The following RBMS3 variants were observed in gnomAD, a reference collection of about 807,000 sequenced individuals.
RBMS3 encodes the protein RNA-binding motif, single-stranded-interacting protein 3.
Under a neutral mutation model 66.8 loss-of-function variants are expected in RBMS3, and 27 were observed. The observed-to-expected ratio is 0.40, with a 90% CI of 0.30 to 0.56. The LOEUF is 0.56. Among genes scored for constraint, RBMS3 ranks in the 20% least tolerant of loss-of-function variants. RBMS3 has a pLI of 0.40. For synonymous variants in RBMS3, 188 were observed against 183.0 expected (o/e 1.03, Z -0.22); for missense variants, 513 against 549.5 (o/e 0.93, Z 0.66).
chr3:29,372,105 T>A (rs752116235), intron 1 of RBMS3, among the ~76,000 whole-genome samples: 16 of 152,050 alleles, frequency 1.1e-4, no homozygotes, highest in Non-Finnish European at 1.9e-4. Flanking sequence ...CTTCCAATGA[T>A]TGCCGTTAGA....
rs138765168 is a variant in RBMS3 at position 29,896,834 on chromosome 3, G to A, written c.792-545G>A. On this transcript the variant is annotated intron_variant, in intron 8 of 14. Transcript: ENST00000383767. ...ACATAGGTTCAGTGTCTCTGCCAGT[G>A]CCTTGACTTAATCCAGAAAACATTC... Among the ~76,000 whole-genome samples the A allele has an allele frequency of 1.1e-4, 17 of 151,688 alleles. No homozygotes were observed. In the East Asian group the frequency reaches 2.9e-3, roughly 26 times the overall value.
intron 1 of RBMS3, among the ~76,000 whole-genome samples, chr3:29,370,759 G>A (rs2038156079): frequency 1.3e-5 from 2 of 152,322 alleles, no homozygotes; most frequent in Admixed American, 6.5e-5. Flanking sequence ...CATTTGGCCA[G>A]AGGCATACAA....
chr3:30,002,707 T>C (rs1699667215), intron 14 of RBMS3, among the ~76,000 whole-genome samples: 1 of 151,996 alleles, frequency 6.6e-6, no homozygotes, highest in Non-Finnish European at 1.5e-5. Flanking sequence ...CTCACATGAT[T>C]TTAGGAAGAA....
intron 1 of RBMS3, among the ~76,000 whole-genome samples, chr3:29,339,828 A>C (rs1575575267): frequency 6.6e-6 from 1 of 152,158 alleles, no homozygotes; most frequent in Non-Finnish European, 1.5e-5. Context: ...AAAAGAGACG[A>C]ACTATTGCCT....
chr3:29,754,781 C>A (rs1254456814), intron 5 of RBMS3, among the ~76,000 whole-genome samples: 1 of 152,178 alleles, frequency 6.6e-6, no homozygotes, highest in Non-Finnish European at 1.5e-5. Context: ...TTTATCAAGA[C>A]TTTTCGTTAA....
At chr3:29,463,614 G>GAA (rs3041556) in intron 2 of RBMS3, among the ~76,000 whole-genome samples, 9 of 127,244 alleles carry the variant, frequency 7.1e-5, no homozygotes, top group African/African-American at 1.7e-4. Flanking sequence ...CTGGTTAGTT[G>GAA]AAAAAAAAAA....
intron 4 of RBMS3, among the ~76,000 whole-genome samples, chr3:29,593,685 G>T (rs569339102): frequency 1.7e-3 from 251 of 147,276 alleles, no homozygotes; most frequent in African/African-American, 6.5e-3. Flanking sequence ...CCCCCATGGG[G>T]ACAAGGGCTG....
At position 29,664,133 on chromosome 3, in the gene RBMS3, G is replaced by A. The variant is rs572032640; in HGVS notation, c.400-75587G>A. On this transcript the variant is annotated intron_variant, in intron 4 of 14. Coordinates refer to ENST00000383767, the MANE Select transcript of RBMS3 (RefSeq NM_001003793.3). ...GAAAGAGAATAACGTCTCTAATTTG[G>A]ATCCAGAAATCTGAGATTCTGGATT... 2.6e-4 allele frequency among the ~76,000 whole-genome samples: 39 copies of A among 152,182 alleles called. 1 individual carries two copies. Among genetic ancestry groups the A allele is most frequent in the Admixed American group, 1.6e-3 (25 of 15,276 alleles).
At chr3:29,982,280 TA>T (rs1698046313) in intron 12 of RBMS3, among the ~76,000 whole-genome samples, 1 of 152,130 alleles carries the variant, frequency 6.6e-6, no homozygotes, top group Non-Finnish European at 1.5e-5. Flanking sequence ...TCCCCTTTAT[TA>T]TTTTTTATGG....
At chr3:29,733,290 G>A (rs139254194) in intron 4 of RBMS3, among the ~76,000 whole-genome samples, 17 of 151,302 alleles carry the variant, frequency 1.1e-4, no homozygotes, top group East Asian at 7.8e-4. Context: ...CTATAAATTC[G>A]TTATACACAA....
rs562059311 is a variant in RBMS3, at chr3:29,361,325, A to G, written c.76-73418A>G. ...CTTATGAAGCTTAGTTTGGCTGGATATGAAATTCTGGGTTGAAAATTCTTT... is the reference window on the plus strand; with the variant it reads ...CTTATGAAGCTTAGTTTGGCTGGATGTGAAATTCTGGGTTGAAAATTCTTT... On this transcript the variant is annotated intron_variant, in intron 1 of 14. Transcript: ENST00000383767. Among the ~76,000 whole-genome samples the G allele has an allele frequency of 2.0e-5, 3 of 151,354 alleles. No individual in the cohort carries two copies. In the South Asian group the frequency reaches 6.2e-4, roughly 31 times the overall value.
chr3:29,539,495 T>C (rs3773065), intron 3 of RBMS3, among the ~76,000 whole-genome samples: 7,177 of 152,182 alleles, frequency 0.047, 214 homozygotes, highest in South Asian at 0.1. Flanking sequence ...CCCTTTTACC[T>C]CCCTCCAGCT....
chr3:29,699,111 T>G (rs1576552861), intron 4 of RBMS3, among the ~76,000 whole-genome samples: 3 of 152,186 alleles, frequency 2.0e-5, no homozygotes, highest in Non-Finnish European at 4.4e-5. Context: ...ACAAAAAATC[T>G]TTCAATAAGT....
At chr3:29,792,596 C>T (rs1451522517) in intron 6 of RBMS3, among the ~76,000 whole-genome samples, 1 of 152,180 alleles carries the variant, frequency 6.6e-6, no homozygotes, top group African/African-American at 2.4e-5. Context: ...GTGACTTAAC[C>T]TCTCTTTGAC....
At chr3:29,894,474 G>A (rs1201072306) in intron 8 of RBMS3, among the ~76,000 whole-genome samples, 1 of 151,298 alleles carries the variant, frequency 6.6e-6, no homozygotes, top group African/African-American at 2.4e-5. Context: ...GTCCTTATAT[G>A]GCCTTTCCTC....
intron 6 of RBMS3, among the ~76,000 whole-genome samples, chr3:29,860,560 G>A (rs934592822): frequency 2.0e-5 from 3 of 152,132 alleles, no homozygotes; most frequent in African/African-American, 7.2e-5. Flanking sequence ...CATGCTCTAC[G>A]AATGCCTATC....
At chr3:29,652,443 A>G (rs1236315184) in intron 4 of RBMS3, among the ~76,000 whole-genome samples, 1 of 152,154 alleles carries the variant, frequency 6.6e-6, no homozygotes, top group Non-Finnish European at 1.5e-5. Context: ...AACCAATATT[A>G]TTTATAATTT....
At chr3:29,485,694 C>A (rs2043294376) in intron 2 of RBMS3, among the ~76,000 whole-genome samples, 1 of 152,200 alleles carries the variant, frequency 6.6e-6, no homozygotes, top group South Asian at 2.1e-4. Context: ...TTTATCTCCT[C>A]TAGCTGTAAG....
intron 1 of RBMS3, among the ~76,000 whole-genome samples, chr3:29,305,287 TA>T (rs2033931522): frequency 6.6e-6 from 1 of 152,034 alleles, no homozygotes; most frequent in Non-Finnish European, 1.5e-5. Flanking sequence ...TGTTACTGGA[TA>T]TTTTTCTGTT....
Sources: gnomAD v4.1 joint callset for allele counts (sites outside exome capture counted in the v4.1 genomes callset) on GRCh38, gnomAD v4.1.1 for gene constraint, MANE v1.5 for transcripts, NCBI Gene and HGNC (gene_info 2026-07-23, HGNC 2026-07-21) for gene names.